LAMA2: variants seen among roughly 807,000 people sequenced by gnomAD.
LAMA2 encodes the protein laminin subunit alpha 2.
A neutral mutation model predicts 364.8 loss-of-function variants in LAMA2; 269 were observed. The observed-to-expected ratio is 0.74, with a 90% CI of 0.67 to 0.82. LAMA2 has a LOEUF of 0.82. Among genes scored for constraint, LAMA2 ranks in the 40% least tolerant of loss-of-function variants. The pLI is 0.00. For missense variants in LAMA2, 3,807 were observed against 3,873.2 expected (o/e 0.98, Z 0.45); for synonymous variants, 1,379 against 1,370.6 (o/e 1.01, Z -0.14).
intron 34 of LAMA2, among the ~76,000 whole-genome samples, chr6:129,381,806 T>C (rs1248652513): frequency 6.6e-6 from 1 of 152,206 alleles, no homozygotes; most frequent in African/African-American, 2.4e-5. Context: ...AGAAAAAAAT[T>C]TTAATTTTCC....
intron 4 of LAMA2, among the ~76,000 whole-genome samples, chr6:129,131,287 A>G (rs1777462141): frequency 6.6e-6 from 1 of 152,230 alleles, no homozygotes; most frequent in South Asian, 2.1e-4. Flanking sequence ...ATAACTTACA[A>G]TAATGATCAG....
At chr6:129,492,103 A>G (rs773328808) in intron 57 of LAMA2, 26 bp downstream of exon 57, 36 of 1,595,792 alleles carry the variant, frequency 2.3e-5, no homozygotes, top group Non-Finnish European at 3.0e-5. Context: ...CATTACTACT[A>G]CTAATTTTTT....
intron 20 of LAMA2, 102 bp from the exon 21 acceptor site, chr6:129,297,583 C>A: frequency 9.3e-7 from 1 of 1,076,786 alleles, no homozygotes; most frequent in Non-Finnish European, 1.4e-6. Context: ...CCTGATAACT[C>A]CTAAGTTCCT....
chr6:129,169,077 T>C (rs1311464095), intron 9 of LAMA2, among the ~76,000 whole-genome samples: 1 of 152,128 alleles, frequency 6.6e-6, no homozygotes, highest in African/African-American at 2.4e-5. Flanking sequence ...ACAATGGGGT[T>C]TTCTAGATAT....
At chr6:129,234,130 GT>G (rs1784841792) in intron 12 of LAMA2, among the ~76,000 whole-genome samples, 1 of 152,128 alleles carries the variant, frequency 6.6e-6, no homozygotes, top group African/African-American at 2.4e-5. Context: ...CTTTGGAGAC[GT>G]AAAGGGAACT....
At chr6:128,994,138 G>A (rs1783776765) in intron 1 of LAMA2, among the ~76,000 whole-genome samples, 2 of 152,202 alleles carry the variant, frequency 1.3e-5, no homozygotes, top group South Asian at 4.1e-4. Context: ...GATGGATTAG[G>A]AATCTTTGCG....
At chr6:129,507,396 C>T (rs1786177233) in intron 61 of LAMA2, 93 bp from the exon 62 acceptor site, 2 of 1,330,412 alleles carry the variant, frequency 1.5e-6, no homozygotes, top group South Asian at 2.4e-5. Flanking sequence ...TGGATAACTA[C>T]ACACATAGAG....
intron 3 of LAMA2, among the ~76,000 whole-genome samples, chr6:129,075,378 T>C (rs148805966): frequency 1.0e-3 from 159 of 152,322 alleles, no homozygotes; most frequent in African/African-American, 3.7e-3. Context: ...TCAGTCATGA[T>C]AAACAGTTTA....
chr6:129,016,127 C>A (rs1424083607), intron 1 of LAMA2, among the ~76,000 whole-genome samples: 2 of 151,820 alleles, frequency 1.3e-5, no homozygotes, highest in Non-Finnish European at 2.9e-5. Context: ...AAAGTAAAAC[C>A]CAATCAAAGT....
intron 54 of LAMA2, 49 bp downstream of exon 54, chr6:129,478,862 C>A: frequency 6.5e-7 from 1 of 1,542,950 alleles, no homozygotes; most frequent in Non-Finnish European, 9.0e-7. Context: ...TCAGATTTCA[C>A]TTACTTAGTG....
intron 3 of LAMA2, among the ~76,000 whole-genome samples, chr6:129,085,531 A>G (rs1774327503): frequency 6.6e-6 from 1 of 152,202 alleles, no homozygotes; most frequent in Non-Finnish European, 1.5e-5. Context: ...CAATGGTAAC[A>G]TGTTTTTAAA....
At chr6:129,345,794 A>T (rs1041572370) in intron 30 of LAMA2, among the ~76,000 whole-genome samples, 7 of 152,208 alleles carry the variant, frequency 4.6e-5, no homozygotes, top group Admixed American at 2.6e-4. Context: ...AATGGATTTC[A>T]TGAGTCACTT....
intron 40 of LAMA2, among the ~76,000 whole-genome samples, chr6:129,410,083 T>C (rs533930666): frequency 6.6e-6 from 1 of 152,164 alleles, no homozygotes; most frequent in Non-Finnish European, 1.5e-5. Context: ...TCTTAGTGCT[T>C]TTCAATCAGG....
In LAMA2 at chr6:129,440,957, T is replaced by G. The variant is rs2114765788; in HGVS notation, c.6227T>G (p.Val2076Gly). Reference sequence around the variant, plus strand: ...AATTACAATAAACTAGCAGACAGCGTCGCCAAAACGAATGCTGTGGTTAAA... The same window carrying G: ...AATTACAATAAACTAGCAGACAGCGGCGCCAAAACGAATGCTGTGGTTAAA... ...KKNYNKLADSVAKTNAVVKDP... is the reference protein window; with the variant it reads ...KKNYNKLADSGAKTNAVVKDP... The change falls in exon 43 of 65, where the codon GTC becomes GGC. Residue 2076 changes from valine to glycine, a missense_variant. Around this residue, in one of 3 missense-constraint regions of LAMA2, gnomAD observed 3,333 missense variants for 3,345.7 expected, o/e 1.00. Coordinates refer to ENST00000421865, the MANE Select transcript of LAMA2 (RefSeq NM_000426.4). The G allele has an allele frequency of 2.5e-6, 4 of 1,613,922 alleles. No homozygotes were observed. In the East Asian group the frequency reaches 8.9e-5, roughly 36 times the overall value.
intron 58 of LAMA2, among the ~76,000 whole-genome samples, chr6:129,500,902 CAAT>C (rs1399207097): frequency 2.0e-5 from 3 of 152,130 alleles, no homozygotes; most frequent in Admixed American, 2.0e-4. Context: ...ACTGTAACCG[CAAT>C]AATATGGACA....
At chr6:128,952,362 AT>A (rs1780878625) in intron 1 of LAMA2, among the ~76,000 whole-genome samples, 1 of 152,188 alleles carries the variant, frequency 6.6e-6, no homozygotes, top group Non-Finnish European at 1.5e-5. Flanking sequence ...AAGAATAAAA[AT>A]TAATTCCATA....
chr6:129,174,484 A>AGT (rs58286852), intron 9 of LAMA2, among the ~76,000 whole-genome samples: 14,283 of 147,006 alleles, frequency 0.097, 851 homozygotes, highest in African/African-American at 0.16. Flanking sequence ...ATGTTTCGTA[A>AGT]GTGTGTGTGT....
chr6:129,071,577 C>T (rs1207415938), intron 3 of LAMA2, among the ~76,000 whole-genome samples: 2 of 151,970 alleles, frequency 1.3e-5, no homozygotes, highest in Admixed American at 1.3e-4. Flanking sequence ...TTAGTTGCCT[C>T]CTACAAGTTT....
At chr6:129,340,129 C>A (rs929589200) in intron 29 of LAMA2, among the ~76,000 whole-genome samples, 3 of 152,034 alleles carry the variant, frequency 2.0e-5, no homozygotes, top group Non-Finnish European at 2.9e-5. Flanking sequence ...GCTTTAGCAA[C>A]AAAGATCTTA....
Sources: gnomAD v4.1 joint callset for allele counts (sites outside exome capture counted in the v4.1 genomes callset) on GRCh38, gnomAD v4.1.1 for gene constraint, gnomAD v4.1.1 regional missense constraint, MANE v1.5 for transcripts, NCBI Gene and HGNC (gene_info 2026-07-23, HGNC 2026-07-21) for gene names.